Variants in TLN1 observed in about 807,000 individuals in gnomAD.
TLN1 encodes the protein talin 1.
TLN1 carries 56 observed loss-of-function variants against 292.3 expected under a neutral mutation model. The observed-to-expected ratio is 0.19, with a 90% CI of 0.15 to 0.24. The LOEUF (loss-of-function observed/expected upper bound fraction) is 0.24. Ranked by LOEUF, TLN1 falls within the 10% of genes least tolerant of loss-of-function variation. TLN1 has a pLI of 1.00. For synonymous variants in TLN1, 1,119 were observed against 1,253.7 expected, an observed-to-expected ratio of 0.89 and a Z score of 2.27; for missense variants, 2,433 against 3,248.2, an observed-to-expected ratio of 0.75 and a Z score of 6.10.
In TLN1 at chr9:35,699,888, AACAG is replaced by A; in HGVS notation, c.6768+82_6768+85del. The A allele has an allele frequency of 2.1e-6, 3 of 1,402,226 alleles. No individual in the cohort carries two copies. The highest frequency in any genetic ancestry group is 2.9e-6 in the Non-Finnish European group (3 of 1,024,184). 86.9% of individuals were successfully genotyped at this position (1,402,226 alleles called of 1,614,324 possible). A position where few individuals can be genotyped will look rare whatever the true frequency, so the allele number is the denominator to read the frequency against. On this transcript the variant is annotated intron_variant, in intron 50 of 56. Coordinates refer to ENST00000314888, the MANE Select transcript of TLN1 (RefSeq NM_006289.4). The surrounding 1 kb of genome is among the most constrained non-coding windows in gnomAD (Gnocchi z 4.0). ...TGGGGTAGGGAGGAGATCTGAGCAA[AACAG>A]ACAGCAGGGTGCGAGGCCTGCAGGA... is the stretch of plus-strand genomic sequence containing the variant.
At chr9:35,725,169 A>ACAGGAAGAAGCT in intron 3 of TLN1, 55 bp downstream of exon 3, 1 of 1,593,888 alleles carries the variant, frequency 6.3e-7, no homozygotes, top group South Asian at 1.1e-5. Context: ...AGGAGGTGGA[A>ACAGGAAGAAGCT]CAGGGAGAAG....
intron 48 of TLN1, 62 bp from the exon 49 acceptor site, chr9:35,700,438 CT>C: frequency 6.6e-7 from 1 of 1,509,422 alleles, no homozygotes; most frequent in Admixed American, 2.0e-5. Flanking sequence ...CAGCGTAGAA[CT>C]CTGTGTGCAT....
At position 35,707,943 on chromosome 9, in the gene TLN1, T is replaced by C. The variant is rs762365374; in HGVS notation, c.4471-51A>G. 5.6e-6 allele frequency: 9 copies of C among 1,594,900 alleles called. No homozygotes were observed. In the Admixed American group the frequency reaches 6.7e-5, roughly 12 times the overall value. ...GATGAGGGCAGGAAGGAGGTGTACA[T>C]ACCCAAGGAGGAGCCATTTTAGGGT... is the stretch of plus-strand genomic sequence containing the variant. On this transcript the variant is annotated intron_variant, in intron 34 of 56. Transcript: ENST00000314888. This position sits in a 1 kb window ranked among gnomAD's most constrained non-coding sequence, Gnocchi z 5.6.
Position 35,720,183 on chromosome 9 carries a change from C to T in TLN1, c.1320G>A (p.Gly440=), listed in dbSNP as rs1226481432. ...TVLQQQYNRV[G]KVEHGSVALP... ...GGGCCACAGAGCCATGCTCCACTTT[C>T]CCCACCCGGTTGTATTGCTGCTGCA... Residue 440 remains glycine (G), a synonymous_variant, in exon 13 of 57, where the codon GGG becomes GGA. Coordinates refer to ENST00000314888, the MANE Select transcript of TLN1 (RefSeq NM_006289.4). The T allele has an allele frequency of 1.2e-6, 2 of 1,604,956 alleles. No homozygotes were observed. The highest frequency in any genetic ancestry group is 1.3e-5 in the African/African-American group (1 of 74,672).
chr9:35,713,282 T>G lies in TLN1; in HGVS notation c.3266A>C (p.Gln1089Pro). 6.3e-7 allele frequency: 1 copy of G among 1,592,842 alleles called. No individual in the cohort carries two copies. The highest frequency in any genetic ancestry group is 8.6e-7 in the Non-Finnish European group (1 of 1,162,324). The change falls in exon 26 of 57, where the codon CAG (glutamine) becomes CCG (proline). Residue 1089 changes from glutamine to proline, a missense_variant. By Grantham distance (76) the Gln-to-Pro change is moderately conservative. This residue lies in a region of TLN1 where 1,384 missense variants were observed against 1,699.6 expected (regional missense o/e 0.81). Transcript: ENST00000314888. Reference protein sequence around the residue: ...LPGETMEKCTQDLGNSTKAVS... With the variant: ...LPGETMEKCTPDLGNSTKAVS... Reference sequence around the variant, plus strand: ...GGCTTTGGTGCTGTTGCCCAGGTCCTGGGTACACTTCTCCATCTAAGGATG... The same window carrying G: ...GGCTTTGGTGCTGTTGCCCAGGTCCGGGGTACACTTCTCCATCTAAGGATG...
At chr9:35,723,033 G>T in intron 7 of TLN1, 112 bp from the exon 8 acceptor site, 2 of 894,322 alleles carry the variant, frequency 2.2e-6, no homozygotes, top group East Asian at 2.5e-5. Context: ...GTTATCTTTG[G>T]GGAGAAAAAA....
chr9:35,709,886 CAAAAAAAAAA>C (rs546437173), intron 33 of TLN1, among the ~76,000 whole-genome samples: 3 of 12,864 alleles, frequency 2.3e-4, no homozygotes, highest in South Asian at 2.1e-3. Context: ...AACTCGGTCT[CAAAAAAAAAA>C]AAAAAAAAAA....
In TLN1 at chr9:35,717,791, G is replaced by GA. The variant is rs1442239374; in HGVS notation, c.1996-6dup. 1.9e-6 allele frequency: 3 copies of GA among 1,592,264 alleles called. No homozygotes were observed. In the Admixed American group the frequency reaches 5.1e-5, roughly 27 times the overall value. On this transcript the variant is annotated splice_polypyrimidine_tract_variant and splice_region_variant and intron_variant, in intron 17 of 56. Transcript: ENST00000314888. This position sits in a 1 kb window ranked among gnomAD's most constrained non-coding sequence, Gnocchi z 4.7. ...GGCGAGCTGCATTAGCGCATCCTGT[G>GA]AGAAAACAGCAGTTAGCATGACCTG...
At position 35,699,170 on chromosome 9, in the gene TLN1, G is replaced by GC; in HGVS notation, c.6875-15_6875-14insG. The GC allele has an allele frequency of 1.3e-6, 2 of 1,599,420 alleles. No homozygotes were observed. ...CCCATTCTGTTCCTGGTGGGATGAA[G>GC]GAAGAGGAAAGAGGCTAAGGCAGAG... On this transcript the variant is annotated splice_polypyrimidine_tract_variant and intron_variant, in intron 51 of 56. Coordinates refer to ENST00000314888, the MANE Select transcript of TLN1 (RefSeq NM_006289.4). The surrounding 1 kb of genome is among the most constrained non-coding windows in gnomAD (Gnocchi z 4.0).
chr9:35,699,145 C>T lies in TLN1; in HGVS notation c.6886G>A (p.Val2296Ile). 6.2e-7 allele frequency: 1 copy of T among 1,610,422 alleles called. No individual in the cohort carries two copies. The highest frequency in any genetic ancestry group is 8.5e-7 in the Non-Finnish European group (1 of 1,177,852). ...AAEAMKGTEW[V>I]DPEDPTVIAE... ...ATGACTGTGGGGTCCTCTGGGTCTACCCATTCTGTTCCTGGTGGGATGAAG... is the reference window on the plus strand; with the variant it reads ...ATGACTGTGGGGTCCTCTGGGTCTATCCATTCTGTTCCTGGTGGGATGAAG... The change falls in exon 52 of 57, where the codon GTA becomes ATA. Residue 2296 changes from valine to isoleucine, a missense_variant. Physicochemically the swap from Val to Ile is conservative, Grantham distance 29. Around this residue, in one of 7 missense-constraint regions of TLN1, gnomAD observed 1,384 missense variants for 1,699.6 expected, o/e 0.81. Transcript: ENST00000314888. This position sits in a 1 kb window ranked among gnomAD's most constrained non-coding sequence, Gnocchi z 4.0.
In TLN1 at chr9:35,717,924, C is replaced by T. The variant is rs1176472288; in HGVS notation, c.1996-138G>A. The T allele has an allele frequency of 7.0e-6, 7 of 1,005,796 alleles. No homozygotes were observed. The highest frequency in any genetic ancestry group is 3.2e-4 in the Middle Eastern group (1 of 3,088). The allele number at this position is 1,005,796 out of a possible 1,614,324, so 62.3% of individuals were successfully genotyped here. On this transcript the variant is annotated intron_variant, in intron 17 of 56. Transcript: ENST00000314888. The surrounding 1 kb of genome is among the most constrained non-coding windows in gnomAD (Gnocchi z 4.7). ...ACGCAGAAGCAACCAGAACCTACCC[C>T]GAGCTACTGCCCTGAGCACCCAGCA... is the stretch of plus-strand genomic sequence containing the variant.
chr9:35,704,013 C>T lies in TLN1; in HGVS notation c.6209G>A (p.Gly2070Glu). The change falls in exon 46 of 57, where the codon GGA becomes GAA. Residue 2070 changes from glycine to glutamate, a missense_variant. Physicochemically the swap from Gly to Glu is moderately conservative, Grantham distance 98. Coordinates refer to ENST00000314888, the MANE Select transcript of TLN1 (RefSeq NM_006289.4). The surrounding 1 kb of genome is among the most constrained non-coding windows in gnomAD (Gnocchi z 6.9). ...DVVKLGAASLGAEDPETQVVL... is the reference protein window; with the variant it reads ...DVVKLGAASLEAEDPETQVVL... ...TACCTGGGTCTCAGGGTCCTCAGCT[C>T]CCAGGCTGGCTGCACCCAGCTTGAC... The T allele has an allele frequency of 6.2e-7, 1 of 1,613,122 alleles. No homozygotes were observed. Among genetic ancestry groups the T allele is most frequent in the Non-Finnish European group, 8.5e-7 (1 of 1,179,288 alleles).
At chr9:35,726,287 T>C (rs1825977396) in intron 1 of TLN1, among the ~76,000 whole-genome samples, 1 of 152,206 alleles carries the variant, frequency 6.6e-6, no homozygotes, top group Non-Finnish European at 1.5e-5. Flanking sequence ...AATGCAGTGC[T>C]ACCTGAGGAC....
At position 35,703,600 on chromosome 9, in the gene TLN1, GC is replaced by G; in HGVS notation, c.6433del (p.Ala2145ProfsTer34). The G allele has an allele frequency of 6.2e-7, 1 of 1,614,168 alleles. No homozygotes were observed. The highest frequency in any genetic ancestry group is 8.5e-7 in the Non-Finnish European group (1 of 1,180,034). On this transcript the variant is annotated frameshift_variant, in exon 48 of 57. Coordinates refer to ENST00000314888, the MANE Select transcript of TLN1 (RefSeq NM_006289.4). LOFTEE classifies it high-confidence loss of function. ...VEDEATKGTR[A>X]LEATTEHIRQ... is the part of the protein sequence containing the mutation. ...TATGTGTTCTGTGGTTGCCTCCAGG[GC>G]CCGAGTGCCTTTGGTGGCCTCATCT...
rs959980671 is a variant in TLN1 at position 35,697,523 on chromosome 9, C to G, written c.*268G>C. The G allele has an allele frequency of 6.7e-6, 3 of 445,776 alleles. No individual in the cohort carries two copies. Among genetic ancestry groups the G allele is most frequent in the Non-Finnish European group, 1.2e-5 (3 of 252,818 alleles). 27.6% of individuals were successfully genotyped at this position (445,776 alleles called of 1,614,324 possible). On this transcript the variant is annotated 3_prime_UTR_variant, in exon 57 of 57. Coordinates refer to ENST00000314888, the MANE Select transcript of TLN1 (RefSeq NM_006289.4). ...GGCTGGGGCCCCGGCAGATTCAGAT[C>G]GAGGTACAGCAGCGTTAATAATACT...
chr9:35,713,945 A>G lies in TLN1; in HGVS notation c.3249+8T>C. 6.2e-7 allele frequency: 1 copy of G among 1,614,158 alleles called. No individual in the cohort carries two copies. The highest frequency in any genetic ancestry group is 8.5e-7 in the Non-Finnish European group (1 of 1,180,044). ...TTTGAGTAAGAATGAGGTCTTAAACATACTTACTGTCTCCCCAGGTAAGGG... is the reference window on the plus strand; with the variant it reads ...TTTGAGTAAGAATGAGGTCTTAAACGTACTTACTGTCTCCCCAGGTAAGGG... On this transcript the variant is annotated splice_region_variant and intron_variant, in intron 25 of 56. Transcript: ENST00000314888.
In TLN1 at chr9:35,704,282, G is replaced by T; in HGVS notation, c.6047+50C>A. 1.3e-6 allele frequency: 2 copies of T among 1,592,276 alleles called. No individual in the cohort carries two copies. The highest frequency in any genetic ancestry group is 8.6e-7 in the Non-Finnish European group (1 of 1,168,284). On this transcript the variant is annotated intron_variant, in intron 45 of 56. Transcript: ENST00000314888. This position sits in a 1 kb window ranked among gnomAD's most constrained non-coding sequence, Gnocchi z 6.9. Reference sequence around the variant, plus strand: ...AGCGAATGCTATCCTGCCTCTTCCAGCCCCGTGCCCCGACCTGTCTGCCTC... The same window carrying T: ...AGCGAATGCTATCCTGCCTCTTCCATCCCCGTGCCCCGACCTGTCTGCCTC...
chr9:35,707,773 C>G lies in TLN1; in HGVS notation c.4590G>C (p.Lys1530Asn). The change falls in exon 35 of 57, where the codon AAG (lysine) becomes AAC (asparagine). Residue 1530 changes from lysine to asparagine, a missense_variant. By Grantham distance (94) the Lys-to-Asn change is moderately conservative (BLOSUM62 0). Around this residue, in one of 7 missense-constraint regions of TLN1, gnomAD observed 1,384 missense variants for 1,699.6 expected, o/e 0.81. Transcript: ENST00000314888. This position sits in a 1 kb window ranked among gnomAD's most constrained non-coding sequence, Gnocchi z 5.6. The part of the protein sequence containing the change: ...TAKRQFVQSA[K>N]EVANSTANLV... ...GATTAGCTGTGCTGTTGGCCACCTC[C>G]TTGGCTGACTGTACAAACTGGCGCT... The G allele has an allele frequency of 6.2e-7, 1 of 1,614,164 alleles. No individual in the cohort carries two copies. The highest frequency in any genetic ancestry group is 8.5e-7 in the Non-Finnish European group (1 of 1,180,030).
chr9:35,722,022 T>C (rs1774808246), intron 9 of TLN1, 97 bp downstream of exon 9: 1 of 1,245,658 alleles, frequency 8.0e-7, no homozygotes, highest in African/African-American at 1.5e-5. Flanking sequence ...TAGGGAATGG[T>C]GGGAGATGTG....
Sources: gnomAD v4.1 joint callset for allele counts (sites outside exome capture counted in the v4.1 genomes callset) on GRCh38, gnomAD v4.1.1 for gene constraint, gnomAD v4.1.1 regional missense constraint, Gnocchi (gnomAD v3.1) non-coding constraint, MANE v1.5 for transcripts, NCBI Gene and HGNC (gene_info 2026-07-23, HGNC 2026-07-21) for gene names.